The following FAT3 variants were observed in gnomAD, a reference collection of about 807,000 sequenced individuals.
FAT3 encodes the protein FAT atypical cadherin 3.
FAT3 carries 95 observed loss-of-function variants against 310.2 expected under a neutral mutation model. The observed-to-expected ratio is 0.31, with a 90% confidence interval of 0.26 to 0.36. The LOEUF (loss-of-function observed/expected upper bound fraction) is 0.36. Ranked by LOEUF, FAT3 falls within the 10% of genes least tolerant of loss-of-function variation. FAT3 has a pLI of 1.00. For missense variants in FAT3, 5,408 were observed against 5,715.6 expected (o/e 0.95, Z 1.74); for synonymous variants, 2,314 against 2,192.9 (o/e 1.06, Z -1.54).
At chr11:92,339,943 T>C (rs2134576941) in intron 1 of FAT3, among the ~76,000 whole-genome samples, 1 of 151,876 alleles carries the variant, frequency 6.6e-6, no homozygotes, top group African/African-American at 2.4e-5. Context: ...AAACCCCGTC[T>C]CTACTAAAAA....
chr11:92,741,232 A>C (rs1945498605), intron 4 of FAT3, among the ~76,000 whole-genome samples: 1 of 152,118 alleles, frequency 6.6e-6, no homozygotes, highest in Non-Finnish European at 1.5e-5. Flanking sequence ...GTGGAGACAA[A>C]GTCTCACCAT....
chr11:92,822,141 A>C (rs1947983869), intron 13 of FAT3, among the ~76,000 whole-genome samples: 2 of 152,154 alleles, frequency 1.3e-5, no homozygotes, highest in South Asian at 2.1e-4. Context: ...GGATCAAAAC[A>C]CTAGCTGTCA....
chr11:92,774,272 T>C (rs1192418390), intron 7 of FAT3, 92 bp downstream of exon 7: 1 of 1,336,618 alleles, frequency 7.5e-7, no homozygotes, highest in Non-Finnish European at 1.0e-6. Context: ...ATGGAAGTAG[T>C]AAATTATGTC....
rs1296853799 is a variant in FAT3, at chr11:92,286,020, T to C, written c.-18+60846T>C. Among the ~76,000 whole-genome samples, 3 of 151,708 alleles carry C rather than the reference T, an allele frequency of 2.0e-5. No individual in the cohort carries two copies. The East Asian group carries it at 5.8e-4, about 29-fold the overall frequency. ...CTTGTGCTTTTCCCCGAGATGAGAG[T>C]GTCGGTAAAAACTGCTGCTTAAAAC... On this transcript the variant is annotated intron_variant, in intron 1 of 27. Transcript: ENST00000525166.
chr11:92,844,465 G>C lies in FAT3; in HGVS notation c.11098G>C (p.Asp3700His). The C allele has an allele frequency of 6.2e-7, 1 of 1,613,966 alleles. No individual in the cohort carries two copies. The highest frequency in any genetic ancestry group is 8.5e-7 in the Non-Finnish European group (1 of 1,179,870). The part of the protein sequence containing the change: ...IQPVAGTNQL[D>H]MLFAVEMHSS... ...GCCCGTGGCAGGCACCAACCAACTG[G>C]ACATGCTGTTTGCGGTGGAGATGCA... The change falls in exon 19 of 28, where the codon GAC becomes CAC. Residue 3700 changes from aspartate to histidine, a missense_variant. Around this residue, in one of 5 missense-constraint regions of FAT3, gnomAD observed 4,588 missense variants for 4,809.8 expected, o/e 0.95. Transcript: ENST00000525166.
intron 12 of FAT3, 28 bp from the exon 13 acceptor site, chr11:92,809,815 C>A: frequency 6.4e-7 from 1 of 1,571,066 alleles, no homozygotes; most frequent in Non-Finnish European, 8.7e-7. Context: ...AAAACTCAGA[C>A]CAATCATGCT....
At position 92,844,504 on chromosome 11, in the gene FAT3, T is replaced by A; in HGVS notation, c.11137T>A (p.Tyr3713Asn). Residue 3713 changes from tyrosine to asparagine, a missense_variant, in exon 19 of 28, where the codon TAC becomes AAC. Coordinates refer to ENST00000525166, the MANE Select transcript of FAT3 (RefSeq NM_001367949.2). ...FAVEMHSSEF[Y>N]KPAYLIQKLS... ...GGTGGAGATGCACAGCAGCGAGTTC[T>A]ACAAGCCAGCCTACCTGATCCAGAA... 6.2e-7 allele frequency: 1 copy of A among 1,613,964 alleles called. No individual in the cohort carries two copies. The highest frequency in any genetic ancestry group is 8.5e-7 in the Non-Finnish European group (1 of 1,179,876).
chr11:92,658,021 C>T (rs984954114), intron 3 of FAT3, among the ~76,000 whole-genome samples: 1 of 152,126 alleles, frequency 6.6e-6, no homozygotes, highest in East Asian at 1.9e-4. Flanking sequence ...AATTTAACAA[C>T]ATATTTTATT....
At chr11:92,783,081 C>T (rs983061860) in intron 7 of FAT3, among the ~76,000 whole-genome samples, 10 of 151,908 alleles carry the variant, frequency 6.6e-5, no homozygotes, top group East Asian at 1.9e-4. Flanking sequence ...AGTGGCTTGC[C>T]GGGTGCAATG....
At chr11:92,714,743 TA>T (rs1442879995) in intron 4 of FAT3, among the ~76,000 whole-genome samples, 3 of 152,194 alleles carry the variant, frequency 2.0e-5, no homozygotes. Flanking sequence ...TTTTAGAAAC[TA>T]TCTACAGGTA....
intron 1 of FAT3, among the ~76,000 whole-genome samples, chr11:92,231,344 A>G (rs1452479806): frequency 6.6e-6 from 1 of 152,208 alleles, no homozygotes; most frequent in Non-Finnish European, 1.5e-5. Flanking sequence ...ATGGCTTACA[A>G]AGTAACATTA....
intron 3 of FAT3, among the ~76,000 whole-genome samples, chr11:92,534,766 T>C (rs1234283663): frequency 6.6e-6 from 1 of 152,154 alleles, no homozygotes; most frequent in African/African-American, 2.4e-5. Context: ...GATTCATGCC[T>C]GAAGTACCTG....
intron 3 of FAT3, among the ~76,000 whole-genome samples, chr11:92,573,252 A>G (rs1938281162): frequency 6.6e-6 from 1 of 152,156 alleles, no homozygotes; most frequent in South Asian, 2.1e-4. Flanking sequence ...ATGACCCTGA[A>G]GGAGTGACTA....
intron 4 of FAT3, among the ~76,000 whole-genome samples, chr11:92,753,798 G>GTGTGTGTGTATATATATATA: frequency 1.7e-5 from 2 of 119,180 alleles, no homozygotes; most frequent in South Asian, 5.0e-4. Flanking sequence ...GTGTGTGTGT[G>GTGTGTGTGTATATATATATA]TATATATATA....
rs1207710347 is a variant in FAT3, at chr11:92,801,229, G to A, written c.8216G>A (p.Trp2739Ter). The part of the protein sequence containing the change: ...TLRILPSQNV[W>*]FSTVNGERPE... ...AGGATTTTGCCCAGTCAGAATGTCT[G>A]GTTCAGCACAGTTAATGGGGAACGG... Residue 2739 changes from tryptophan to a stop codon, truncating the protein, a stop_gained, in exon 10 of 28, where the codon TGG (tryptophan) becomes TAG (stop). Coordinates refer to ENST00000525166, the MANE Select transcript of FAT3 (RefSeq NM_001367949.2). LOFTEE classifies it high-confidence loss of function. 1 of 1,613,772 alleles carries A rather than the reference G, an allele frequency of 6.2e-7. No individual in the cohort carries two copies. The highest frequency in any genetic ancestry group is 1.3e-5 in the African/African-American group (1 of 74,924).
chr11:92,352,893 G>C lies in FAT3; in HGVS notation c.781G>C (p.Glu261Gln). 1 of 1,613,862 alleles carries C rather than the reference G, an allele frequency of 6.2e-7. No homozygotes were observed. Among genetic ancestry groups the C allele is most frequent in the Non-Finnish European group, 8.5e-7 (1 of 1,179,862 alleles). The change falls in exon 2 of 28, where the codon GAA (glutamate) becomes CAA (glutamine). Residue 261 changes from glutamate to glutamine, a missense_variant. Physicochemically the swap from Glu to Gln is conservative, Grantham distance 29 (BLOSUM62 2). Transcript: ENST00000525166. ...TTATGTTCACATTGAGCGCATAAAT[G>C]AACATGCCCCAACAATCCATGTAGT... Reference protein sequence around the residue: ...KLYVHIERINEHAPTIHVVTH... With the variant: ...KLYVHIERINQHAPTIHVVTH...
chr11:92,849,269 T>A (rs1948758708), intron 19 of FAT3, among the ~76,000 whole-genome samples: 1 of 152,174 alleles, frequency 6.6e-6, no homozygotes, highest in African/African-American at 2.4e-5. Context: ...TGAAAGAAAC[T>A]CAGAAGTTTC....
intron 3 of FAT3, among the ~76,000 whole-genome samples, chr11:92,603,883 G>A (rs1940151189): frequency 2.0e-5 from 3 of 152,150 alleles, no homozygotes; most frequent in African/African-American, 7.2e-5. Flanking sequence ...TGGGACTGGA[G>A]TCTTATGTTC....
intron 6 of FAT3, among the ~76,000 whole-genome samples, chr11:92,769,189 A>G (rs1380809980): frequency 6.6e-6 from 1 of 152,172 alleles, no homozygotes; most frequent in Non-Finnish European, 1.5e-5. Context: ...ACTGCTTACA[A>G]TATTATGCAG....
Sources: allele counts gnomAD v4.1 joint callset (sites outside exome capture counted in the v4.1 genomes callset), GRCh38; gene constraint gnomAD v4.1.1; regional missense constraint gnomAD v4.1.1; transcripts MANE v1.5; gene names NCBI Gene and HGNC (gene_info 2026-07-23, HGNC 2026-07-21).